GRSF1: variants seen among roughly 807,000 people sequenced by gnomAD.
GRSF1 encodes the protein G-rich RNA sequence binding factor 1.
GRSF1 carries 50 observed loss-of-function variants against 51.1 expected under a neutral mutation model. The ratio of observed to expected loss-of-function variants is 0.98; its 90% confidence interval spans 0.78 to 1.24. The LOEUF (loss-of-function observed/expected upper bound fraction) is 1.24. Ranked by LOEUF, GRSF1 falls within the 50% of genes most tolerant of loss-of-function variation. GRSF1 has a pLI of 0.00. For synonymous variants in GRSF1, 293 were observed against 253.3 expected (o/e 1.16, Z -1.49); for missense variants, 700 against 639.7 (o/e 1.09, Z -1.02).
intron 5 of GRSF1, among the ~76,000 whole-genome samples, chr4:70,829,080 G>A (rs1352932748): frequency 6.6e-6 from 1 of 151,606 alleles, no homozygotes; most frequent in Admixed American, 6.6e-5. Context: ...TTGTAGACAT[G>A]GGTTCTTGCC....
chr4:70,825,985 T>C, intron 7 of GRSF1, 139 bp downstream of exon 7: 4 of 705,484 alleles, frequency 5.7e-6, no homozygotes, highest in Non-Finnish European at 9.5e-6. Flanking sequence ...GAAGCAAGCT[T>C]TGCAACCAGG....
intron 1 of GRSF1, among the ~76,000 whole-genome samples, chr4:70,838,002 C>T (rs990188272): frequency 1.3e-5 from 2 of 151,506 alleles, no homozygotes; most frequent in African/African-American, 4.8e-5. Context: ...GAGGCAGAGG[C>T]GGGCGGATCA....
intron 6 of GRSF1, among the ~76,000 whole-genome samples, chr4:70,827,608 T>C (rs1233836920): frequency 6.6e-6 from 1 of 151,862 alleles, no homozygotes; most frequent in Non-Finnish European, 1.5e-5. Context: ...CGAAACCCTA[T>C]CTCTACTAAA....
intron 4 of GRSF1, 29 bp from the exon 5 acceptor site, chr4:70,831,703 T>C (rs772774897): frequency 6.3e-7 from 1 of 1,581,320 alleles, no homozygotes; most frequent in Non-Finnish European, 8.6e-7. Flanking sequence ...TTAATGCTAC[T>C]AGCAGGCTTT....
chr4:70,829,908 G>A (rs1273644511), intron 5 of GRSF1, among the ~76,000 whole-genome samples: 1 of 151,344 alleles, frequency 6.6e-6, no homozygotes, highest in Non-Finnish European at 1.5e-5. Context: ...TAAAAGGCCA[G>A]AAAACAGTAA....
chr4:70,839,273 A>T, intron 1 of GRSF1, 198 bp downstream of exon 1: 1 of 1,491,456 alleles, frequency 6.7e-7, no homozygotes, highest in Non-Finnish European at 8.9e-7. Context: ...AAACAAGCAG[A>T]AGACCCGACG....
chr4:70,821,762 G>A (rs996238013), intron 9 of GRSF1, among the ~76,000 whole-genome samples: 1 of 144,662 alleles, frequency 6.9e-6, no homozygotes, highest in Non-Finnish European at 1.5e-5. Flanking sequence ...TGCAACCTCC[G>A]CCTCCCAGAT....
At chr4:70,824,658 C>CTA (rs1405112049) in intron 8 of GRSF1, among the ~76,000 whole-genome samples, 1 of 152,096 alleles carries the variant, frequency 6.6e-6, no homozygotes, top group East Asian at 1.9e-4. Flanking sequence ...TGGTGGGTGC[C>CTA]TATAGTCCCA....
Position 70,836,253 on chromosome 4 carries a change from G to A in GRSF1, c.419C>T (p.Ser140Phe). ...ATCATCCACTTCCTCTTCTAACTTG[G>A]ACGGGGCCAATTCATACTCAGGGGG... Reference protein sequence around the residue: ...PPPPEYELAPSKLEEEVDDVF... With the variant: ...PPPPEYELAPFKLEEEVDDVF... Residue 140 changes from serine (S) to phenylalanine (F), a missense_variant, in exon 2 of 10, where the codon TCC (serine) becomes TTC (phenylalanine). Transcript: ENST00000254799. 6.2e-7 allele frequency: 1 copy of A among 1,609,998 alleles called. No individual in the cohort carries two copies.
intron 5 of GRSF1, among the ~76,000 whole-genome samples, chr4:70,830,903 G>A (rs1404760931): frequency 6.6e-6 from 1 of 151,954 alleles, no homozygotes; most frequent in Non-Finnish European, 1.5e-5. Context: ...ATTGCTAACA[G>A]TGTTAGATAT....
upstream of GRSF1, among the ~76,000 whole-genome samples, chr4:70,843,035 C>T (rs1164373815): frequency 6.6e-6 from 1 of 152,088 alleles, no homozygotes; most frequent in Non-Finnish European, 1.5e-5. Flanking sequence ...AAAGTAGCAC[C>T]TGCCATCCTC....
chr4:70,836,257 G>A lies in GRSF1; in HGVS notation c.415C>T (p.Pro139Ser). The change falls in exon 2 of 10, where the codon CCG becomes TCG. Residue 139 changes from proline (P) to serine (S), a missense_variant. Coordinates refer to ENST00000254799, the MANE Select transcript of GRSF1 (RefSeq NM_002092.4). ...LPPPPEYELA[P>S]SKLEEEVDDV... ...TCCACTTCCTCTTCTAACTTGGACG[G>A]GGCCAATTCATACTCAGGGGGTGGT... 6.2e-7 allele frequency: 1 copy of A among 1,608,850 alleles called. No individual in the cohort carries two copies. Among genetic ancestry groups the A allele is most frequent in the East Asian group, 2.2e-5 (1 of 44,530 alleles).
At chr4:70,833,351 T>C in intron 2 of GRSF1, 78 bp from the exon 3 acceptor site, 1 of 1,257,694 alleles carries the variant, frequency 8.0e-7, no homozygotes, top group Non-Finnish European at 1.1e-6. Context: ...AAGAATGCAG[T>C]TTTCCAACAA....
At position 70,825,369 on chromosome 4, in the gene GRSF1, A is replaced by G; in HGVS notation, c.1320T>C (p.Thr440=). 6.2e-7 allele frequency: 1 copy of G among 1,612,092 alleles called. No individual in the cohort carries two copies. Residue 440 remains threonine (T), a synonymous_variant, in exon 8 of 10, where the codon ACT becomes ACC. Coordinates refer to ENST00000254799, the MANE Select transcript of GRSF1 (RefSeq NM_002092.4). ...TCTCAAAGTGCACATCAGCTTCTCC[A>G]GTGGCCTTCCCACTGGAGCTGTATT... is the stretch of plus-strand genomic sequence containing the variant. ...TMEYSSSGKA[T]GEADVHFETH...
intron 1 of GRSF1, among the ~76,000 whole-genome samples, chr4:70,837,222 A>G (rs937311012): frequency 2.6e-5 from 4 of 152,226 alleles, no homozygotes; most frequent in African/African-American, 9.6e-5. Context: ...GTAAGAATCC[A>G]CGAAGCACTA....
Position 70,839,849 on chromosome 4 carries a change from G to GC in GRSF1, c.-23dup. On this transcript the variant is annotated 5_prime_UTR_variant, in exon 1 of 10. Transcript: ENST00000254799. ...CCATGGACTCCGGAGGCGGCGCAGGGCCTGAAGGCAGCTGCTCCAGCAGCG... is the reference window on the plus strand; with the variant it reads ...CCATGGACTCCGGAGGCGGCGCAGGGCCCTGAAGGCAGCTGCTCCAGCAGCG... The GC allele has an allele frequency of 6.8e-7, 1 of 1,470,492 alleles. No individual in the cohort carries two copies. Among genetic ancestry groups the GC allele is most frequent in the Non-Finnish European group, 8.9e-7 (1 of 1,119,710 alleles). 91.1% of individuals were successfully genotyped at this position (1,470,492 alleles called of 1,614,324 possible).
In GRSF1 at chr4:70,834,300, T is replaced by TA. The variant is rs1327096453; in HGVS notation, c.515-1028dup. On this transcript the variant is annotated intron_variant, in intron 2 of 9. Coordinates refer to ENST00000254799, the MANE Select transcript of GRSF1 (RefSeq NM_002092.4). ...ATAAATCATAGTCAGATACAGAAAC[T>TA]AAAAAAAAAAATCCCACAGATATGT... Among the ~76,000 whole-genome samples the TA allele has an allele frequency of 3.6e-3, 531 of 145,954 alleles. 1 individual carries two copies. The highest frequency in any genetic ancestry group is 0.012 in the African/African-American group (483 of 39,942).
At chr4:70,830,646 T>C (rs1307933350) in intron 5 of GRSF1, among the ~76,000 whole-genome samples, 6 of 151,588 alleles carry the variant, frequency 4.0e-5, no homozygotes, top group Non-Finnish European at 5.9e-5. Context: ...TGGTAAAACC[T>C]TGTCTCTACT....
Position 70,817,017 on chromosome 4 carries a change from CAACACCCACT to C in GRSF1, c.*3860_*3869del, listed in dbSNP as rs1250180450. The C allele has an allele frequency of 6.6e-6, 1 of 151,852 alleles. No homozygotes were observed. The highest frequency in any genetic ancestry group is 2.4e-5 in the African/African-American group (1 of 41,218). 9.4% of individuals were successfully genotyped at this position (151,852 alleles called of 1,614,324 possible). ...TAATTTATATTTTTAAAAGAAATGA[CAACACCCACT>C]AACACTTGCTTATAAATAAAGTAAA... On this transcript the variant is annotated 3_prime_UTR_variant, in exon 10 of 10. Coordinates refer to ENST00000254799, the MANE Select transcript of GRSF1 (RefSeq NM_002092.4).
Sources: gnomAD v4.1 joint callset for allele counts (sites outside exome capture counted in the v4.1 genomes callset) on GRCh38, gnomAD v4.1.1 for gene constraint, MANE v1.5 for transcripts, NCBI Gene and HGNC (gene_info 2026-07-23, HGNC 2026-07-21) for gene names.